TBC1D22A: variants seen among roughly 807,000 people sequenced by gnomAD.
The protein encoded by TBC1D22A is putative GTPase activator.
Under a neutral mutation model 60.2 loss-of-function variants are expected in TBC1D22A, and 38 were observed. That is an observed-to-expected ratio of 0.63 (90% confidence interval 0.49 to 0.83). The LOEUF (loss-of-function observed/expected upper bound fraction) is 0.83. Ranked by LOEUF, TBC1D22A falls within the 40% of genes least tolerant of loss-of-function variation. The pLI, the probability that TBC1D22A is intolerant of heterozygous loss-of-function variation, is 0.00. For synonymous variants in TBC1D22A, 302 were observed against 281.7 expected (o/e 1.07, Z -0.72); for missense variants, 628 against 701.0 (o/e 0.90, Z 1.18).
At chr22:46,894,884 G>T (rs1409214339) in intron 7 of TBC1D22A, 38 bp downstream of exon 7, 1 of 1,611,844 alleles carries the variant, frequency 6.2e-7, no homozygotes, top group African/African-American at 1.3e-5. Flanking sequence ...CCCTCGTTGG[G>T]AGTGGCTGAT....
At position 47,049,627 on chromosome 22, in the gene TBC1D22A, C is replaced by T. The variant is rs146836236; in HGVS notation, c.1329+12429C>T. Among the ~76,000 whole-genome samples, 12 of 152,316 alleles carry T rather than the reference C, an allele frequency of 7.9e-5. No individual in the cohort carries two copies. In the East Asian group the frequency reaches 1.3e-3, roughly 17 times the overall value. ...AGTGTCTCTTTTCCATCCTTTTCTA[C>T]GAGTTTTTTTGTAAAACATAACACA... On this transcript the variant is annotated intron_variant, in intron 11 of 12. Coordinates refer to ENST00000337137, the MANE Select transcript of TBC1D22A (RefSeq NM_014346.5).
rs1022281167 is a variant in TBC1D22A, at chr22:46,990,406, T to C, written c.1126-7228T>C. Among the ~76,000 whole-genome samples, 3 of 152,160 alleles carry C rather than the reference T, an allele frequency of 2.0e-5. No homozygotes were observed. Among genetic ancestry groups the C allele is most frequent in the Non-Finnish European group, 2.9e-5 (2 of 68,020 alleles). ...TGAGCAGGAGGTTAGAGAGGCCCCA[T>C]GTGCTCCTCAGCGTCCTCCTTCAGC... On this transcript the variant is annotated intron_variant, in intron 9 of 12. Coordinates refer to ENST00000337137, the MANE Select transcript of TBC1D22A (RefSeq NM_014346.5). The surrounding 1 kb of genome is among the most constrained non-coding windows in gnomAD (Gnocchi z 4.6).
rs377066871 is a variant in TBC1D22A at position 46,819,764 on chromosome 22, G to A, written c.637+22144G>A. The stretch of plus-strand genomic sequence containing the variant: ...ATGCTGGTTTCATAAAATGAGTTAG[G>A]GAGGAGTCCCTCTTTTTCAATTGTT... On this transcript the variant is annotated intron_variant, in intron 4 of 12. Transcript: ENST00000337137. Among the ~76,000 whole-genome samples, 5 of 152,300 alleles carry A rather than the reference G, an allele frequency of 3.3e-5. No individual in the cohort carries two copies. In the East Asian group the frequency reaches 7.7e-4, roughly 24 times the overall value.
At chr22:46,803,886 C>T (rs1022438990) in intron 4 of TBC1D22A, among the ~76,000 whole-genome samples, 3 of 152,218 alleles carry the variant, frequency 2.0e-5, no homozygotes, top group Non-Finnish European at 4.4e-5. Context: ...GCTGGCCCTG[C>T]TCTGTCCTCA....
chr22:46,884,236 G>C lies in TBC1D22A; in HGVS notation c.708+5513G>C, dbSNP rs111280345. Among the ~76,000 whole-genome samples, 1,184 of 152,272 alleles carry C rather than the reference G, an allele frequency of 7.8e-3. 16 individuals carry two copies. The highest frequency in any genetic ancestry group is 0.027 in the African/African-American group (1,129 of 41,546). On this transcript the variant is annotated intron_variant, in intron 5 of 12. Transcript: ENST00000337137. ...TGGTGAGGGCCGAGGAGGGGAAGGG[G>C]CTGTTGAAGTAGGTGGGTAGCGGTC... is the stretch of plus-strand genomic sequence containing the variant.
intron 2 of TBC1D22A, 167 bp downstream of exon 2, chr22:46,792,743 A>C (rs777022142): frequency 6.7e-7 from 1 of 1,503,328 alleles, no homozygotes. Flanking sequence ...GATACTGTGC[A>C]CCCCGTGCTG....
chr22:47,140,287 G>A lies in TBC1D22A; in HGVS notation c.1425+28684G>A, dbSNP rs140699313. Among the ~76,000 whole-genome samples the A allele has an allele frequency of 2.8e-4, 42 of 152,216 alleles. 2 individuals carry two copies. In the East Asian group the frequency reaches 5.0e-3, roughly 18 times the overall value. ...GCTCATCGGTTGTGAAAATGCTACT[G>A]TGGGCCGGGCGTGGTGGCTCACGCC... On this transcript the variant is annotated intron_variant, in intron 12 of 12. Transcript: ENST00000337137.
At chr22:47,124,767 G>A (rs539382723) in intron 12 of TBC1D22A, among the ~76,000 whole-genome samples, 9 of 152,238 alleles carry the variant, frequency 5.9e-5, no homozygotes, top group Middle Eastern at 3.4e-3. Context: ...TGAGGGGCCC[G>A]CGGGGGAAGC....
intron 4 of TBC1D22A, among the ~76,000 whole-genome samples, chr22:46,800,526 G>A (rs1352374041): frequency 6.6e-6 from 1 of 152,122 alleles, no homozygotes; most frequent in Non-Finnish European, 1.5e-5. Context: ...TCCTGGAGCC[G>A]GGCTGCCTGT....
At chr22:46,974,249 G>A (rs1400906357) in intron 8 of TBC1D22A, 41 bp from the exon 9 acceptor site, 13 of 1,539,268 alleles carry the variant, frequency 8.4e-6, no homozygotes, top group Admixed American at 1.9e-5. Flanking sequence ...GGTCCCGTGT[G>A]GCTAAGTCTC....
At chr22:46,932,281 C>T (rs2071396851) in intron 8 of TBC1D22A, among the ~76,000 whole-genome samples, 1 of 152,232 alleles carries the variant, frequency 6.6e-6, no homozygotes, top group Non-Finnish European at 1.5e-5. Flanking sequence ...CCGTCAAGGC[C>T]GTGCTGTGAC....
chr22:47,031,837 C>T (rs537253286), intron 10 of TBC1D22A, among the ~76,000 whole-genome samples: 5 of 152,250 alleles, frequency 3.3e-5, no homozygotes, highest in East Asian at 3.9e-4. Context: ...CTGGCTGGAA[C>T]GGGCTCCTTC....
At chr22:47,112,362 C>G (rs1306998275) in intron 12 of TBC1D22A, among the ~76,000 whole-genome samples, 1 of 152,232 alleles carries the variant, frequency 6.6e-6, no homozygotes, top group Non-Finnish European at 1.5e-5. Flanking sequence ...GCAGACCAGG[C>G]TCTGCACCAG....
intron 12 of TBC1D22A, among the ~76,000 whole-genome samples, chr22:47,167,904 G>A (rs1378211628): frequency 2.0e-5 from 3 of 152,186 alleles, no homozygotes; most frequent in Non-Finnish European, 4.4e-5. Context: ...TTGGCTTGAA[G>A]GTCAGGTTTC....
At chr22:46,903,073 T>C (rs1469842173) in intron 7 of TBC1D22A, among the ~76,000 whole-genome samples, 3 of 152,204 alleles carry the variant, frequency 2.0e-5, no homozygotes. Flanking sequence ...TTCTATTTCC[T>C]GGCCCGGTTG....
At chr22:46,826,083 G>A (rs143372360) in intron 4 of TBC1D22A, among the ~76,000 whole-genome samples, 1,671 of 152,052 alleles carry the variant, frequency 0.011, 14 homozygotes, top group Non-Finnish European at 0.015. Context: ...GGGTTTCACC[G>A]TGTTAGCCAT....
At chr22:46,856,560 G>C (rs1458200241) in intron 4 of TBC1D22A, among the ~76,000 whole-genome samples, 1 of 152,162 alleles carries the variant, frequency 6.6e-6, no homozygotes, top group Non-Finnish European at 1.5e-5. Flanking sequence ...CGGGATCAAT[G>C]ATATTGAAGG....
intron 7 of TBC1D22A, among the ~76,000 whole-genome samples, chr22:46,901,553 G>T (rs762969580): frequency 3.3e-5 from 5 of 152,160 alleles, no homozygotes; most frequent in Non-Finnish European, 7.3e-5. Flanking sequence ...TGCTCATCGC[G>T]AGAGAGTTCT....
intron 1 of TBC1D22A, chr22:46,789,483 G>C: frequency 3.0e-6 from 1 of 335,850 alleles, no homozygotes; most frequent in Non-Finnish European, 6.6e-6. Context: ...TGAGTAAACT[G>C]TAAGGGCCGG....
Sources: allele counts gnomAD v4.1 joint callset (sites outside exome capture counted in the v4.1 genomes callset), GRCh38; gene constraint gnomAD v4.1.1; non-coding constraint Gnocchi (gnomAD v3.1); transcripts MANE v1.5; gene names NCBI Gene and HGNC (gene_info 2026-07-23, HGNC 2026-07-21).